The following PZP variants were observed in gnomAD, a reference collection of about 807,000 sequenced individuals.
The protein encoded by PZP is PZP alpha-2-macroglobulin like, also known as pregnancy zone protein.
Under a neutral mutation model 179.8 loss-of-function variants are expected in PZP, and 150 were observed. That is an observed-to-expected ratio of 0.83 (90% CI 0.73 to 0.96). The LOEUF is 0.96. Among genes scored for constraint, PZP ranks in the 40% least tolerant of loss-of-function variants. PZP has a pLI of 0.00. For synonymous variants in PZP, 624 were observed against 652.3 expected (o/e 0.96, Z 0.66); for missense variants, 1,689 against 1,764.0 (o/e 0.96, Z 0.76).
Position 9,200,804 on chromosome 12 carries a change from CATATCTACAGGAA to C in PZP, c.670+75_670+87del, listed in dbSNP as rs1944110962. ...AAGTCTGACTCTACTGCAAGTTCAACATATCTACAGGAAATTCAAAGGATCTAAGTGAGCTCAC... is the reference window on the plus strand; with the variant it reads ...AAGTCTGACTCTACTGCAAGTTCAACATTCAAAGGATCTAAGTGAGCTCAC... On this transcript the variant is annotated intron_variant, in intron 6 of 35. Transcript: ENST00000261336. 11 of 1,380,018 alleles carry C rather than the reference CATATCTACAGGAA, an allele frequency of 8.0e-6. No individual in the cohort carries two copies. The South Asian group carries it at 1.6e-4, about 19-fold the overall frequency. 85.5% of individuals were successfully genotyped at this position (1,380,018 alleles called of 1,614,324 possible).
At chr12:9,157,691 A>T in intron 27 of PZP, 76 bp downstream of exon 27, 1 of 1,333,876 alleles carries the variant, frequency 7.5e-7, no homozygotes. Context: ...TTGAGACTCA[A>T]CCCTTAGCAG....
downstream of PZP, among the ~76,000 whole-genome samples, chr12:9,148,267 A>G (rs937685215): frequency 2.6e-5 from 4 of 152,176 alleles, no homozygotes; most frequent in African/African-American, 9.7e-5. Flanking sequence ...CAAGAATACA[A>G]TATGGTTAAC....
Position 9,181,118 on chromosome 12 carries a change from G to T in PZP, c.1704C>A (p.Phe568Leu). ...NCLANKVDLS[F>L]SPAQSPPASH... is the part of the protein sequence containing the mutation. ...AGGCTGGGGGACTTTGTGCTGGGCT[G>T]AAGCTCAAATCCACCTGTGGGAAAT... Residue 568 changes from phenylalanine to leucine, a missense_variant, in exon 15 of 36, where the codon TTC (phenylalanine) becomes TTA (leucine). Physicochemically the swap from Phe to Leu is conservative, Grantham distance 22 (BLOSUM62 0). Around this residue, in one of 3 missense-constraint regions of PZP, gnomAD observed 742 missense variants for 730.5 expected, o/e 1.02. Coordinates refer to ENST00000261336, the MANE Select transcript of PZP (RefSeq NM_002864.3). 3 of 1,614,086 alleles carry T rather than the reference G, an allele frequency of 1.9e-6. No homozygotes were observed. Among genetic ancestry groups the T allele is most frequent in the Non-Finnish European group, 8.5e-7 (1 of 1,179,982 alleles).
intron 14 of PZP, 142 bp from the exon 15 acceptor site, chr12:9,181,274 T>A (rs1942743489): frequency 9.3e-7 from 1 of 1,072,802 alleles, no homozygotes; most frequent in Non-Finnish European, 1.3e-6. Context: ...TTTACAACTT[T>A]CCTTCACTTT....
rs765522788 is a variant in PZP, at chr12:9,160,381, G to A, written c.2982C>T (p.Asn994=). 2.5e-6 allele frequency: 4 copies of A among 1,614,154 alleles called. No individual in the cohort carries two copies. Among genetic ancestry groups the A allele is most frequent in the East Asian group, 4.5e-5 (2 of 44,872 alleles). The change falls in exon 24 of 36, where the codon AAC becomes AAT. Residue 994 remains asparagine, a synonymous_variant. Transcript: ENST00000261336. ...VLFAPNIYVL[N]YLNETQQLTQ... is the part of the protein sequence containing the mutation. The stretch of plus-strand genomic sequence containing the variant: ...TCAGCTGCTGGGTTTCATTCAGATA[G>A]TTCAAGACATAGATGTTAGGAGCAA...
Position 9,160,484 on chromosome 12 carries a change from A to G in PZP, c.2879T>C (p.Ile960Thr), listed in dbSNP as rs1941097705. Residue 960 changes from isoleucine to threonine, a missense_variant, in exon 24 of 36, where the codon ATA becomes ACA. Ile to Thr is a moderately conservative substitution (Grantham distance 89). Around this residue, in one of 3 missense-constraint regions of PZP, gnomAD observed 746 missense variants for 749.2 expected, o/e 1.00. Transcript: ENST00000261336. Reference protein sequence around the residue: ...ARASFSVLGDILGSAMQNIQN... With the variant: ...ARASFSVLGDTLGSAMQNIQN... ...TATATTTTGCATAGCAGAACCTAAT[A>G]TGTCACCTGGGGAATGTGAAAGATT... 2 of 1,612,352 alleles carry G rather than the reference A, an allele frequency of 1.2e-6. No individual in the cohort carries two copies. The highest frequency in any genetic ancestry group is 8.5e-7 in the Non-Finnish European group (1 of 1,178,968).
chr12:9,186,023 G>A (rs1435320908), intron 13 of PZP, among the ~76,000 whole-genome samples: 6 of 151,828 alleles, frequency 4.0e-5, no homozygotes, highest in Admixed American at 3.3e-4. Context: ...GGCCAGGATG[G>A]TCTCGATCTC....
intron 13 of PZP, 67 bp from the exon 14 acceptor site, chr12:9,182,184 A>ATAAG: frequency 6.7e-7 from 1 of 1,489,072 alleles, no homozygotes; most frequent in East Asian, 2.4e-5. Context: ...AAATAGTGTC[A>ATAAG]TAAGGACACT....
rs1943803084 is a variant in PZP, at chr12:9,196,837, A to T, written c.868-152T>A. 17 of 798,930 alleles carry T rather than the reference A, an allele frequency of 2.1e-5. 1 individual carries two copies. In the South Asian group the frequency reaches 2.9e-4, roughly 14 times the overall value. 49.5% of individuals were successfully genotyped at this position (798,930 alleles called of 1,614,324 possible). A position where few individuals can be genotyped will look rare whatever the true frequency, so the allele number is the denominator to read the frequency against. On this transcript the variant is annotated intron_variant, in intron 8 of 35. Coordinates refer to ENST00000261336, the MANE Select transcript of PZP (RefSeq NM_002864.3). The stretch of plus-strand genomic sequence containing the variant: ...AACTTAATACTCATATCTGCTTTGT[A>T]ACCTCCAAAGTTAGTCGTCCAAATG...
downstream of PZP, among the ~76,000 whole-genome samples, chr12:9,144,575 G>T (rs1939906603): frequency 6.6e-6 from 1 of 152,068 alleles, no homozygotes; most frequent in South Asian, 2.1e-4. Context: ...GTCAAAGACA[G>T]GTTTATTTTG....
Position 9,196,655 on chromosome 12 carries a change from CTTG to C in PZP, c.895_897del (p.Gln299del). ...GTAATCTGGAGCATTTTGGTGTGTA[CTTG>C]TTGGGTGATGCAGCCATTGCTGTTA... On this transcript the variant is annotated inframe_deletion, in exon 9 of 36. Coordinates refer to ENST00000261336, the MANE Select transcript of PZP (RefSeq NM_002864.3). 6.2e-7 allele frequency: 1 copy of C among 1,613,362 alleles called. No individual in the cohort carries two copies. The highest frequency in any genetic ancestry group is 8.5e-7 in the Non-Finnish European group (1 of 1,179,392).
chr12:9,202,314 C>G lies in PZP; in HGVS notation c.480+5G>C. On this transcript the variant is annotated splice_donor_5th_base_variant and intron_variant, in intron 4 of 35. Transcript: ENST00000261336. The stretch of plus-strand genomic sequence containing the variant: ...CAACCCAAACCACAGATAGTGGATG[C>G]TTACCAGTTCATTTCGAGGGCGAAA... The G allele has an allele frequency of 6.2e-7, 1 of 1,611,972 alleles. No individual in the cohort carries two copies. Among genetic ancestry groups the G allele is most frequent in the Non-Finnish European group, 8.5e-7 (1 of 1,178,042 alleles).
chr12:9,192,261 A>G lies in PZP; in HGVS notation c.1483-5T>C, dbSNP rs1317367584. ...GATGACTCCCTTAGCCATGATCTGA[A>G]ATGAAAAAACAGTGAAGGAAATTTC... On this transcript the variant is annotated splice_polypyrimidine_tract_variant and splice_region_variant and intron_variant, in intron 12 of 35. Transcript: ENST00000261336. 6.2e-7 allele frequency: 1 copy of G among 1,613,860 alleles called. No homozygotes were observed.
chr12:9,174,564 A>G (rs10843036), intron 15 of PZP, among the ~76,000 whole-genome samples: 52,876 of 151,952 alleles, frequency 0.35, 9,820 homozygotes, highest in Non-Finnish European at 0.42. Flanking sequence ...AGAAAACCCC[A>G]TTATCTCAGT....
Position 9,192,653 on chromosome 12 carries a change from A to C in PZP, c.1341T>G (p.Val447=). The C allele has an allele frequency of 6.2e-7, 1 of 1,614,066 alleles. No homozygotes were observed. The highest frequency in any genetic ancestry group is 8.5e-7 in the Non-Finnish European group (1 of 1,179,918). The part of the protein sequence containing the change: ...HQGAQHTANR[V]FSLSGSYIHL... ...GAATGTAACTTCCACTTAAGGAGAA[A>C]ACACGATTTGCAGTGTGCTGAGCAC... The change falls in exon 12 of 36, where the codon GTT becomes GTG. Residue 447 remains valine, a synonymous_variant. Coordinates refer to ENST00000261336, the MANE Select transcript of PZP (RefSeq NM_002864.3).
At chr12:9,167,976 AG>A (rs1941710617) in intron 17 of PZP, among the ~76,000 whole-genome samples, 1 of 152,180 alleles carries the variant, frequency 6.6e-6, no homozygotes, top group African/African-American at 2.4e-5. Flanking sequence ...CTATCATTGA[AG>A]GTATACTTAA....
intron 12 of PZP, 108 bp from the exon 13 acceptor site, chr12:9,192,364 C>A: frequency 7.6e-7 from 1 of 1,318,082 alleles, no homozygotes. Context: ...TGGAGAGAAT[C>A]AACCTCAAGA....
intron 17 of PZP, 143 bp downstream of exon 17, chr12:9,168,726 C>G: frequency 1.5e-6 from 1 of 666,720 alleles, no homozygotes; most frequent in East Asian, 2.7e-5. Context: ...AGCTAAGTCA[C>G]CTCAGCAAGA....
chr12:9,160,471 A>G lies in PZP; in HGVS notation c.2892T>C (p.Ala964=), dbSNP rs776640306. 1 of 1,613,562 alleles carries G rather than the reference A, an allele frequency of 6.2e-7. No homozygotes were observed. The highest frequency in any genetic ancestry group is 8.5e-7 in the Non-Finnish European group (1 of 1,179,676). Residue 964 remains alanine, a synonymous_variant, in exon 24 of 36, where the codon GCT becomes GCC. Transcript: ENST00000261336. ...GGAGGAGATTTTGTATATTTTGCAT[A>G]GCAGAACCTAATATGTCACCTGGGG... ...FSVLGDILGS[A]MQNIQNLLQM...
Sources: gnomAD v4.1 joint callset for allele counts (sites outside exome capture counted in the v4.1 genomes callset) on GRCh38, gnomAD v4.1.1 for gene constraint, gnomAD v4.1.1 regional missense constraint, MANE v1.5 for transcripts, NCBI Gene and HGNC (gene_info 2026-07-23, HGNC 2026-07-21) for gene names.